The following CNTN3 variants were observed in gnomAD, a reference collection of about 807,000 sequenced individuals.
The protein encoded by CNTN3 is contactin 3.
CNTN3 carries 60 observed loss-of-function variants against 119.1 expected under a neutral mutation model. The observed-to-expected ratio is 0.50, with a 90% CI of 0.41 to 0.62. The LOEUF is 0.62. Among genes scored for constraint, CNTN3 ranks in the 20% least tolerant of loss-of-function variants. CNTN3 has a pLI of 0.00. For synonymous variants in CNTN3, 450 were observed against 438.7 expected, an observed-to-expected ratio of 1.03 and a Z score of -0.32; for missense variants, 1,101 against 1,242.4, an observed-to-expected ratio of 0.89 and a Z score of 1.71.
At chr3:74,573,134 A>G (rs1254121180) in intron 1 of CNTN3, among the ~76,000 whole-genome samples, 12 of 152,242 alleles carry the variant, frequency 7.9e-5, no homozygotes, top group African/African-American at 2.9e-4. Flanking sequence ...GGGGACCCAC[A>G]GGAATCTAGT....
At chr3:74,538,657 T>C (rs375291306) in intron 1 of CNTN3, among the ~76,000 whole-genome samples, 18 of 152,282 alleles carry the variant, frequency 1.2e-4, no homozygotes, top group African/African-American at 4.3e-4. Flanking sequence ...AAAACATACA[T>C]ATTTTATGCT....
chr3:74,423,602 C>A (rs572546979), intron 5 of CNTN3, among the ~76,000 whole-genome samples: 1 of 152,298 alleles, frequency 6.6e-6, no homozygotes, highest in South Asian at 2.1e-4. Flanking sequence ...GTTATGTGAG[C>A]CAGCAAACTC....
intron 17 of CNTN3, 112 bp downstream of exon 17, chr3:74,299,756 C>T: frequency 1.3e-6 from 1 of 759,652 alleles, no homozygotes; most frequent in Non-Finnish European, 2.1e-6. Flanking sequence ...CCACCAGCCA[C>T]ACCCCCAGCA....
chr3:74,304,618 G>C (rs993636883), intron 13 of CNTN3, among the ~76,000 whole-genome samples: 11 of 152,182 alleles, frequency 7.2e-5, no homozygotes, highest in Non-Finnish European at 1.5e-5. Flanking sequence ...GGCTGGCTTT[G>C]TTTCTTGAAG....
chr3:74,524,741 C>T (rs1703591507), intron 1 of CNTN3, among the ~76,000 whole-genome samples: 1 of 151,812 alleles, frequency 6.6e-6, no homozygotes, highest in African/African-American at 2.4e-5. Flanking sequence ...AAAGGCTCAG[C>T]AGAGGGCCTC....
At chr3:74,587,611 G>A (rs1575848955) in intron 1 of CNTN3, among the ~76,000 whole-genome samples, 2 of 152,156 alleles carry the variant, frequency 1.3e-5, no homozygotes, top group South Asian at 2.1e-4. Context: ...ACTGATACAT[G>A]AGCAAAGACA....
At chr3:74,484,701 AG>A (rs1435678072) in intron 4 of CNTN3, among the ~76,000 whole-genome samples, 1 of 152,266 alleles carries the variant, frequency 6.6e-6, no homozygotes, top group East Asian at 1.9e-4. Flanking sequence ...CCAAAATACA[AG>A]GGGTGGTGGT....
intron 1 of CNTN3, among the ~76,000 whole-genome samples, chr3:74,592,704 A>C (rs1467354471): frequency 6.6e-6 from 1 of 152,006 alleles, no homozygotes; most frequent in Non-Finnish European, 1.5e-5. Context: ...GGTCACATCT[A>C]ACCCACATCT....
intron 5 of CNTN3, among the ~76,000 whole-genome samples, chr3:74,421,960 T>C (rs541638582): frequency 6.6e-6 from 1 of 152,370 alleles, no homozygotes; most frequent in African/African-American, 2.4e-5. Context: ...CAGGTCATTT[T>C]GGCTGTTAAA....
At chr3:74,525,453 A>G (rs6419787) in intron 1 of CNTN3, among the ~76,000 whole-genome samples, 150,913 of 151,848 alleles carry the variant, frequency 0.99, 74,997 homozygotes, top group Middle Eastern at 1. Context: ...GCCATGTATC[A>G]TCACGGAGAG....
chr3:74,419,562 T>A (rs1701585251), intron 5 of CNTN3, among the ~76,000 whole-genome samples: 1 of 152,210 alleles, frequency 6.6e-6, no homozygotes. Context: ...ATTCTCGTTT[T>A]TCCATCCCAA....
rs1266486757 is a variant in CNTN3 at position 74,521,168 on chromosome 3, T to G, written c.-56A>C. ...GTCCAGTCTCTGATGAATAGAATGCTTTCTCTTCAGGTAAATCCTTTAATC... is the reference window on the plus strand; with the variant it reads ...GTCCAGTCTCTGATGAATAGAATGCGTTCTCTTCAGGTAAATCCTTTAATC... On this transcript the variant is annotated 5_prime_UTR_variant, in exon 2 of 23. Coordinates refer to ENST00000263665, the MANE Select transcript of CNTN3 (RefSeq NM_020872.3). The G allele has an allele frequency of 5.0e-6, 5 of 1,005,890 alleles. No individual in the cohort carries two copies. Among genetic ancestry groups the G allele is most frequent in the South Asian group, 4.9e-5 (3 of 61,742 alleles). The allele number at this position is 1,005,890 out of a possible 1,614,324, so 62.3% of individuals were successfully genotyped here.
chr3:74,574,604 G>A (rs1704384787), intron 1 of CNTN3, among the ~76,000 whole-genome samples: 1 of 152,172 alleles, frequency 6.6e-6, no homozygotes, highest in Admixed American at 6.5e-5. Flanking sequence ...ACTACCCATG[G>A]AAGTCATGCT....
At chr3:74,381,759 G>C (rs891960549) in intron 5 of CNTN3, among the ~76,000 whole-genome samples, 6 of 151,944 alleles carry the variant, frequency 3.9e-5, no homozygotes, top group Non-Finnish European at 8.8e-5. Flanking sequence ...AAAAATAATT[G>C]CAACAGCCTT....
chr3:74,607,643 T>C (rs1470859337), intron 1 of CNTN3, among the ~76,000 whole-genome samples: 2 of 152,202 alleles, frequency 1.3e-5, no homozygotes, highest in Admixed American at 6.5e-5. Flanking sequence ...TCCTGGCTTA[T>C]AAAATCCCAA....
At chr3:74,569,678 G>C (rs1401954152) in intron 1 of CNTN3, among the ~76,000 whole-genome samples, 1 of 152,186 alleles carries the variant, frequency 6.6e-6, no homozygotes, top group Non-Finnish European at 1.5e-5. Flanking sequence ...AAATAACCAT[G>C]AACTTAGTGG....
chr3:74,344,997 C>G (rs1217799645), intron 11 of CNTN3, among the ~76,000 whole-genome samples: 1 of 152,144 alleles, frequency 6.6e-6, no homozygotes, highest in Non-Finnish European at 1.5e-5. Context: ...TCCAATGACG[C>G]AGAAGTAGGT....
intron 4 of CNTN3, among the ~76,000 whole-genome samples, chr3:74,466,693 A>C (rs1702466675): frequency 6.6e-6 from 1 of 152,084 alleles, no homozygotes; most frequent in Non-Finnish European, 1.5e-5. Context: ...TTTAGAAGAG[A>C]TTTTCAGTGA....
intron 2 of CNTN3, among the ~76,000 whole-genome samples, chr3:74,519,036 T>G (rs142938243): frequency 3.3e-5 from 5 of 151,978 alleles, no homozygotes; most frequent in Middle Eastern, 3.4e-3. Flanking sequence ...TCATATAGTA[T>G]GATCTGTAGT....
Sources: allele counts gnomAD v4.1 joint callset (sites outside exome capture counted in the v4.1 genomes callset), GRCh38; gene constraint gnomAD v4.1.1; transcripts MANE v1.5; gene names NCBI Gene and HGNC (gene_info 2026-07-23, HGNC 2026-07-21).